ANO2: variants seen among roughly 807,000 people sequenced by gnomAD.
ANO2 encodes the protein anoctamin-2.
Under a neutral mutation model 124.2 loss-of-function variants are expected in ANO2, and 101 were observed. That is an observed-to-expected ratio of 0.81 (90% CI 0.69 to 0.96). The LOEUF (loss-of-function observed/expected upper bound fraction) is 0.96, where lower values mean the gene tolerates loss of function less well. Among genes scored for constraint, ANO2 ranks in the 40% least tolerant of loss-of-function variants. ANO2 has a pLI of 0.00. For synonymous variants in ANO2, 486 were observed against 482.5 expected (o/e 1.01, Z -0.09); for missense variants, 1,293 against 1,274.5 (o/e 1.01, Z -0.22).
chr12:5,914,727 C>T (rs1941279075), intron 3 of ANO2, among the ~76,000 whole-genome samples: 2 of 152,332 alleles, frequency 1.3e-5, no homozygotes, highest in South Asian at 4.1e-4. Context: ...TAGCTGCCCA[C>T]AAGGATGAAG....
At chr12:5,827,948 G>GC in intron 6 of ANO2, 128 bp from the exon 7 acceptor site, 1 of 963,464 alleles carries the variant, frequency 1.0e-6, no homozygotes, top group Non-Finnish European at 1.5e-6. Context: ...ACGAAGCCAA[G>GC]CATGTGCCTG....
chr12:5,592,845 T>C (rs761242080), intron 20 of ANO2, among the ~76,000 whole-genome samples: 1 of 152,180 alleles, frequency 6.6e-6, no homozygotes, highest in East Asian at 1.9e-4. Flanking sequence ...AAAGTAGTCA[T>C]GGAGGTTAAG....
chr12:5,897,168 T>C (rs546419644), intron 3 of ANO2, among the ~76,000 whole-genome samples: 2 of 151,890 alleles, frequency 1.3e-5, no homozygotes, highest in East Asian at 3.9e-4. Flanking sequence ...AAAAAAGAAT[T>C]CATTACAGCA....
At chr12:5,619,157 G>T (rs73267215) in intron 16 of ANO2, among the ~76,000 whole-genome samples, 11 of 152,260 alleles carry the variant, frequency 7.2e-5, no homozygotes, top group African/African-American at 7.2e-5. Context: ...TGTGTCCAAG[G>T]CTTGAAGACC....
intron 3 of ANO2, among the ~76,000 whole-genome samples, chr12:5,863,447 G>C (rs1404936993): frequency 6.6e-6 from 1 of 152,220 alleles, no homozygotes; most frequent in African/African-American, 2.4e-5. Context: ...TTGGGCCCCA[G>C]CTCTGTCACT....
intron 1 of ANO2, among the ~76,000 whole-genome samples, chr12:5,923,647 C>A (rs1168864841): frequency 6.6e-6 from 1 of 152,176 alleles, no homozygotes; most frequent in African/African-American, 2.4e-5. Context: ...GAATGCAGGA[C>A]CACTTCAGAA....
intron 7 of ANO2, among the ~76,000 whole-genome samples, chr12:5,824,425 G>A (rs2137204651): frequency 6.6e-6 from 1 of 152,236 alleles, no homozygotes; most frequent in Non-Finnish European, 1.5e-5. Flanking sequence ...CTGATATCTA[G>A]GGCAGGGGCA....
chr12:5,776,252 A>C (rs914160791), intron 10 of ANO2, among the ~76,000 whole-genome samples: 1 of 152,176 alleles, frequency 6.6e-6, no homozygotes, highest in Non-Finnish European at 1.5e-5. Flanking sequence ...CACTCTTTGT[A>C]AAAGAAAGTG....
intron 3 of ANO2, among the ~76,000 whole-genome samples, chr12:5,866,114 C>T (rs754599269): frequency 5.9e-5 from 9 of 152,304 alleles, no homozygotes; most frequent in South Asian, 4.1e-4. Flanking sequence ...TCTGCCACAA[C>T]GACTGCTTCT....
At chr12:5,737,598 A>G (rs1950926011) in intron 13 of ANO2, among the ~76,000 whole-genome samples, 2 of 152,092 alleles carry the variant, frequency 1.3e-5, no homozygotes, top group South Asian at 4.2e-4. Context: ...GCCAAAATGC[A>G]TCTTCTTCTC....
intron 4 of ANO2, among the ~76,000 whole-genome samples, chr12:5,846,090 T>C (rs192404415): frequency 1.4e-4 from 21 of 152,342 alleles, no homozygotes; most frequent in African/African-American, 4.8e-4. Context: ...CTTTAAAAGA[T>C]GCTAATATCC....
At chr12:5,811,618 G>A (rs938168432) in intron 7 of ANO2, among the ~76,000 whole-genome samples, 1 of 152,206 alleles carries the variant, frequency 6.6e-6, no homozygotes, top group Non-Finnish European at 1.5e-5. Flanking sequence ...ATATGAAGGA[G>A]CAAGAAAGGT....
At chr12:5,826,006 T>C (rs990759587) in intron 7 of ANO2, among the ~76,000 whole-genome samples, 9 of 152,234 alleles carry the variant, frequency 5.9e-5, no homozygotes, top group Admixed American at 4.6e-4. Context: ...CCAATTGTCA[T>C]GAGTATTTCC....
At chr12:5,928,380 C>G (rs1349004622) in intron 1 of ANO2, among the ~76,000 whole-genome samples, 2 of 152,082 alleles carry the variant, frequency 1.3e-5, no homozygotes, top group Non-Finnish European at 2.9e-5. Context: ...CTCTCCCAGG[C>G]TTCTGCACTA....
intron 3 of ANO2, among the ~76,000 whole-genome samples, chr12:5,868,848 GCGGCTCTGCAAACAGCACCAGAGAGGA>G (rs59212527): frequency 0.045 from 6,877 of 152,278 alleles, 514 homozygotes; most frequent in African/African-American, 0.16. Context: ...AACAAACTGG[GCGGCTCTGCAAACAGCACCAGAGAGGA>G]CAGGGATATA....
chr12:5,815,117 G>T (rs970920332), intron 7 of ANO2, among the ~76,000 whole-genome samples: 2 of 152,096 alleles, frequency 1.3e-5, no homozygotes, highest in African/African-American at 4.8e-5. Flanking sequence ...CCAGAAACAA[G>T]AAAAAAATAA....
chr12:5,874,360 G>T (rs775324537), intron 3 of ANO2, among the ~76,000 whole-genome samples: 5 of 152,192 alleles, frequency 3.3e-5, no homozygotes, highest in Non-Finnish European at 7.3e-5. Context: ...GGGAAGTCAC[G>T]TCCCTTCCTC....
At chr12:5,591,008 C>T (rs976263230) in intron 20 of ANO2, among the ~76,000 whole-genome samples, 2 of 152,074 alleles carry the variant, frequency 1.3e-5, no homozygotes, top group South Asian at 2.1e-4. Flanking sequence ...GGTGAAACCC[C>T]GTCTCTACTA....
At chr12:5,641,894 A>T (rs1194372961) in intron 15 of ANO2, among the ~76,000 whole-genome samples, 3 of 152,180 alleles carry the variant, frequency 2.0e-5, no homozygotes, top group Non-Finnish European at 2.9e-5. Flanking sequence ...ATGGAATTTT[A>T]AAAAAAGAAA....
Sources: gnomAD v4.1 joint callset for allele counts (sites outside exome capture counted in the v4.1 genomes callset) on GRCh38, gnomAD v4.1.1 for gene constraint, MANE v1.5 for transcripts, NCBI Gene and HGNC (gene_info 2026-07-23, HGNC 2026-07-21) for gene names.